Variants in KIF13B observed in about 807,000 individuals in gnomAD.
KIF13B encodes kinesin family member 13B.
In KIF13B, 127 loss-of-function variants were observed where a neutral mutation model predicts 222.0. That is an observed-to-expected ratio of 0.57 (90% confidence interval 0.50 to 0.66). The LOEUF is 0.66. Among genes scored for constraint, KIF13B ranks in the 30% least tolerant of loss-of-function variants. The pLI is 0.00. For missense variants in KIF13B, 2,173 were observed against 2,379.0 expected (o/e 0.91, Z 1.80); for synonymous variants, 976 against 919.0 (o/e 1.06, Z -1.12).
rs1254724509 is a variant in KIF13B, at chr8:29,140,548, C to G, written c.2404G>C (p.Val802Leu). The G allele has an allele frequency of 1.9e-6, 3 of 1,613,180 alleles. No individual in the cohort carries two copies. Among genetic ancestry groups the G allele is most frequent in the Non-Finnish European group, 2.5e-6 (3 of 1,179,170 alleles). The part of the protein sequence containing the change: ...DEQENHSLIG[V>L]ANVFLESLFY... Reference sequence around the variant, plus strand: ...AGTGACTCGAGGAAGACATTGGCCACCCCAATGAGACTGTGATTTTCCTGC... The same window carrying G: ...AGTGACTCGAGGAAGACATTGGCCAGCCCAATGAGACTGTGATTTTCCTGC... The change falls in exon 20 of 40, where the codon GTG (valine) becomes CTG (leucine). Residue 802 changes from valine to leucine, a missense_variant. Around this residue, in one of 2 missense-constraint regions of KIF13B, gnomAD observed 1,480 missense variants for 1,722.8 expected, o/e 0.86. Coordinates refer to ENST00000524189, the MANE Select transcript of KIF13B (RefSeq NM_015254.4).
At chr8:29,133,834 A>C (rs1403886761) in intron 22 of KIF13B, among the ~76,000 whole-genome samples, 1 of 152,194 alleles carries the variant, frequency 6.6e-6, no homozygotes, top group Admixed American at 6.5e-5. Flanking sequence ...ATATACATAC[A>C]TATGTGTTTT....
chr8:29,108,087 C>T, intron 35 of KIF13B, 52 bp downstream of exon 35: 1 of 1,469,912 alleles, frequency 6.8e-7, no homozygotes, highest in South Asian at 1.2e-5. Context: ...AAGATGAAAG[C>T]TGAATGGGAA....
chr8:29,139,870 T>C (rs567263399), intron 21 of KIF13B, among the ~76,000 whole-genome samples, 193 bp downstream of exon 21: 1 of 152,286 alleles, frequency 6.6e-6, no homozygotes, highest in African/African-American at 2.4e-5. Context: ...TGCATTATCA[T>C]GAGTGGGGGA....
In KIF13B at chr8:29,067,829, C is replaced by T. The variant is rs1429893450; in HGVS notation, c.*2675G>A. The T allele has an allele frequency of 1.3e-5, 2 of 152,734 alleles. No individual in the cohort carries two copies. The highest frequency in any genetic ancestry group is 2.9e-5 in the Non-Finnish European group (2 of 68,378). The allele number at this position is 152,734 out of a possible 1,614,324, so 9.5% of individuals were successfully genotyped here. A position where few individuals can be genotyped will look rare whatever the true frequency, so the allele number is the denominator to read the frequency against. On this transcript the variant is annotated 3_prime_UTR_variant, in exon 40 of 40. Coordinates refer to ENST00000524189, the MANE Select transcript of KIF13B (RefSeq NM_015254.4). ...TTCCCAGCTCCGTTCTCTTGTTGAA[C>T]CTTGGTAGGCCCAGAAACATCTTCC...
At chr8:29,243,399 G>A (rs190374695) in intron 2 of KIF13B, among the ~76,000 whole-genome samples, 308 of 151,098 alleles carry the variant, frequency 2.0e-3, no homozygotes, top group African/African-American at 6.7e-3. Flanking sequence ...GCTCACACCC[G>A]TAATCCCAGC....
chr8:29,085,705 C>CTTTTTTTTTT (rs71222589), intron 37 of KIF13B, among the ~76,000 whole-genome samples: 2 of 48,722 alleles, frequency 4.1e-5, no homozygotes, highest in African/African-American at 7.7e-5. Context: ...AAATACTCTT[C>CTTTTTTTTTT]TTTTTTTTTT....
chr8:29,251,395 C>T (rs745581827), intron 1 of KIF13B, among the ~76,000 whole-genome samples: 4 of 152,234 alleles, frequency 2.6e-5, no homozygotes, highest in Middle Eastern at 6.8e-3. Flanking sequence ...CACCCACTGA[C>T]GAATGGAGAA....
At chr8:29,257,762 T>C (rs1303055112) in intron 1 of KIF13B, among the ~76,000 whole-genome samples, 2 of 152,002 alleles carry the variant, frequency 1.3e-5, no homozygotes, top group East Asian at 3.9e-4. Context: ...CAGTGAGTGA[T>C]GATCATGCCA....
intron 13 of KIF13B, among the ~76,000 whole-genome samples, chr8:29,159,670 G>A (rs755499781): frequency 3.3e-5 from 5 of 152,134 alleles, no homozygotes; most frequent in East Asian, 3.9e-4. Flanking sequence ...GGGCTTGGCC[G>A]TAGACTAGAG....
intron 18 of KIF13B, among the ~76,000 whole-genome samples, chr8:29,144,765 G>C (rs1810979468): frequency 6.6e-6 from 1 of 152,162 alleles, no homozygotes. Flanking sequence ...ATTCACCAGA[G>C]AAGAGTTCAC....
In KIF13B at chr8:29,140,149, C is replaced by T. The variant is rs756413071; in HGVS notation, c.2527G>A (p.Asp843Asn). 2 of 1,613,678 alleles carry T rather than the reference C, an allele frequency of 1.2e-6. No individual in the cohort carries two copies. The highest frequency in any genetic ancestry group is 4.5e-5 in the East Asian group (2 of 44,874). ...CCTCCTGCGATCCTCTCCCCAACAT[C>T]ACCACTGAGTCGCATCACCTCCACG... ...LHVEVMRLSG[D>N]VGERIAGGDE... The change falls in exon 21 of 40, where the codon GAT becomes AAT. Residue 843 changes from aspartate to asparagine, a missense_variant. Around this residue, in one of 2 missense-constraint regions of KIF13B, gnomAD observed 1,480 missense variants for 1,722.8 expected, o/e 0.86. Coordinates refer to ENST00000524189, the MANE Select transcript of KIF13B (RefSeq NM_015254.4).
intron 12 of KIF13B, among the ~76,000 whole-genome samples, 196 bp downstream of exon 12, chr8:29,165,466 T>C (rs1811951512): frequency 6.6e-6 from 1 of 152,172 alleles, no homozygotes; most frequent in African/African-American, 2.4e-5. Context: ...ACATAAACAA[T>C]CAAGTGCAAT....
chr8:29,097,226 G>A (rs1157668131), intron 36 of KIF13B, among the ~76,000 whole-genome samples: 1 of 152,104 alleles, frequency 6.6e-6, no homozygotes, highest in Admixed American at 6.6e-5. Flanking sequence ...AGAGACAAAA[G>A]GGACATTTCA....
intron 2 of KIF13B, among the ~76,000 whole-genome samples, chr8:29,238,982 G>A (rs1365413435): frequency 1.3e-5 from 2 of 152,198 alleles, no homozygotes; most frequent in African/African-American, 2.4e-5. Context: ...AGGCTGCAGT[G>A]AGCAGTGATC....
Position 29,069,151 on chromosome 8 carries a change from G to T in KIF13B, c.*1353C>A, listed in dbSNP as rs1807133427. ...GGTGGCTGTGTGAATCTTGACCCAG[G>T]ACTCCTGTCCCTAGATTGGTGGCCT... On this transcript the variant is annotated 3_prime_UTR_variant, in exon 40 of 40. Coordinates refer to ENST00000524189, the MANE Select transcript of KIF13B (RefSeq NM_015254.4). 1 of 152,228 alleles carries T rather than the reference G, an allele frequency of 6.6e-6. No individual in the cohort carries two copies. Among genetic ancestry groups the T allele is most frequent in the South Asian group, 2.1e-4 (1 of 4,832 alleles). 9.4% of individuals were successfully genotyped at this position (152,228 alleles called of 1,614,324 possible). A position where few individuals can be genotyped will look rare whatever the true frequency, so the allele number is the denominator to read the frequency against.
At chr8:29,078,127 CAAAAAAAAAAAAAA>C (rs10530503) in intron 37 of KIF13B, among the ~76,000 whole-genome samples, 1 of 74,306 alleles carries the variant, frequency 1.3e-5, no homozygotes, top group Admixed American at 1.6e-4. Context: ...TACTAAAATC[CAAAAAAAAAAAAAA>C]AAAATTAGCA....
intron 22 of KIF13B, among the ~76,000 whole-genome samples, chr8:29,133,670 AAGAGCTTTAC>A (rs1262046288): frequency 6.6e-6 from 1 of 152,148 alleles, no homozygotes; most frequent in African/African-American, 2.4e-5. Context: ...AGGAATAACA[AAGAGCTTTAC>A]AGAGCATTCG....
chr8:29,224,829 A>G (rs560670722), intron 2 of KIF13B, among the ~76,000 whole-genome samples: 4 of 152,350 alleles, frequency 2.6e-5, no homozygotes, highest in Middle Eastern at 3.4e-3. Flanking sequence ...TAATGCCTGC[A>G]TCTATATCAC....
intron 37 of KIF13B, among the ~76,000 whole-genome samples, chr8:29,076,956 CA>C (rs1332525500): frequency 6.6e-6 from 1 of 151,978 alleles, no homozygotes; most frequent in Non-Finnish European, 1.5e-5. Flanking sequence ...CCCTGGGCAA[CA>C]AAGCAAGACC....
Sources: gnomAD v4.1 joint callset for allele counts (sites outside exome capture counted in the v4.1 genomes callset) on GRCh38, gnomAD v4.1.1 for gene constraint, gnomAD v4.1.1 regional missense constraint, MANE v1.5 for transcripts, NCBI Gene and HGNC (gene_info 2026-07-23, HGNC 2026-07-21) for gene names.